The following SRPK2 variants were observed in gnomAD, a reference collection of about 807,000 sequenced individuals.
The protein encoded by SRPK2 is SFRS protein kinase 2.
SRPK2 carries 21 observed loss-of-function variants against 90.8 expected under a neutral mutation model. The observed-to-expected ratio is 0.23, with a 90% CI of 0.16 to 0.33. The LOEUF is 0.33. Among genes scored for constraint, SRPK2 ranks in the 10% least tolerant of loss-of-function variants. SRPK2 has a pLI of 1.00. For missense variants in SRPK2, 620 were observed against 869.0 expected, an observed-to-expected ratio of 0.71 and a Z score of 3.60; for synonymous variants, 288 against 311.1, an observed-to-expected ratio of 0.93 and a Z score of 0.78.
chr7:105,259,922 C>T (rs1246195834), intron 2 of SRPK2, among the ~76,000 whole-genome samples: 1 of 152,158 alleles, frequency 6.6e-6, no homozygotes, highest in Non-Finnish European at 1.5e-5. Flanking sequence ...GGACCTAACA[C>T]CATAAAAACC....
intron 4 of SRPK2, among the ~76,000 whole-genome samples, chr7:105,168,861 A>G (rs929234842): frequency 6.6e-6 from 1 of 151,710 alleles, no homozygotes; most frequent in African/African-American, 2.4e-5. Context: ...CGCCTATACT[A>G]TACATTATGT....
chr7:105,280,017 A>C (rs1196089971), intron 2 of SRPK2, among the ~76,000 whole-genome samples: 1 of 152,250 alleles, frequency 6.6e-6, no homozygotes, highest in Non-Finnish European at 1.5e-5. Flanking sequence ...ATAGAGTAAT[A>C]TTCAGAAAAA....
intron 15 of SRPK2, among the ~76,000 whole-genome samples, chr7:105,123,909 T>C (rs1201741926): frequency 1.3e-5 from 2 of 152,198 alleles, no homozygotes; most frequent in Non-Finnish European, 2.9e-5. Context: ...AGTGAAAATA[T>C]TTTTGGTCTC....
intron 8 of SRPK2, 132 bp downstream of exon 8, chr7:105,146,361 G>T: frequency 1.2e-6 from 1 of 807,274 alleles, no homozygotes; most frequent in Non-Finnish European, 1.9e-6. Flanking sequence ...CAAGGGTGCA[G>T]TTATTTCCAG....
chr7:105,336,088 T>C (rs1202341643), intron 2 of SRPK2, among the ~76,000 whole-genome samples: 2 of 152,222 alleles, frequency 1.3e-5, no homozygotes, highest in Non-Finnish European at 2.9e-5. Flanking sequence ...TTATTTACAA[T>C]TTATAGTATT....
chr7:105,116,523 G>T lies in SRPK2; in HGVS notation c.*1315C>A, dbSNP rs962020170. On this transcript the variant is annotated 3_prime_UTR_variant, in exon 16 of 16. Coordinates refer to ENST00000393651, the MANE Select transcript of SRPK2 (RefSeq NM_182692.3). ...AATGTTAATGGACAAAGTCAAAAACGAGGCACCTTAATGAATGTAAAATTT... is the reference window on the plus strand; with the variant it reads ...AATGTTAATGGACAAAGTCAAAAACTAGGCACCTTAATGAATGTAAAATTT... 1 of 152,538 alleles carries T rather than the reference G, an allele frequency of 6.6e-6. No homozygotes were observed. The highest frequency in any genetic ancestry group is 6.6e-5 in the Admixed American group (1 of 15,264). 9.4% of individuals were successfully genotyped at this position (152,538 alleles called of 1,614,324 possible).
intron 2 of SRPK2, among the ~76,000 whole-genome samples, chr7:105,216,463 C>T (rs577795640): frequency 6.6e-6 from 1 of 151,986 alleles, no homozygotes; most frequent in Non-Finnish European, 1.5e-5. Flanking sequence ...ACCAGTCTGG[C>T]CAATATGGTG....
chr7:105,340,432 GCT>G (rs1815629545), intron 2 of SRPK2, among the ~76,000 whole-genome samples: 1 of 116,790 alleles, frequency 8.6e-6, no homozygotes, highest in Admixed American at 1.0e-4. Flanking sequence ...GACAGGTCTT[GCT>G]CTGTCACCCA....
intron 2 of SRPK2, among the ~76,000 whole-genome samples, chr7:105,262,901 G>A (rs1016919238): frequency 9.9e-5 from 15 of 152,222 alleles, no homozygotes; most frequent in African/African-American, 3.6e-4. Flanking sequence ...AGCATACACA[G>A]TTGGTGGAAG....
At chr7:105,282,027 T>C (rs1020233221) in intron 2 of SRPK2, among the ~76,000 whole-genome samples, 8 of 151,768 alleles carry the variant, frequency 5.3e-5, no homozygotes, top group African/African-American at 1.9e-4. Context: ...AAAGAAAAAG[T>C]TGGAGGACTC....
chr7:105,257,841 G>A (rs1803546497), intron 2 of SRPK2, among the ~76,000 whole-genome samples: 1 of 152,182 alleles, frequency 6.6e-6, no homozygotes. Context: ...GCCGGGTGCA[G>A]TGGCTCACAC....
intron 3 of SRPK2, among the ~76,000 whole-genome samples, chr7:105,175,764 G>C (rs890592185): frequency 6.6e-6 from 1 of 151,642 alleles, no homozygotes; most frequent in African/African-American, 2.4e-5. Flanking sequence ...TGAAAACTTA[G>C]ATAAAATGGA....
intron 2 of SRPK2, among the ~76,000 whole-genome samples, chr7:105,379,883 C>T (rs528766950): frequency 6.6e-6 from 1 of 152,102 alleles, no homozygotes; most frequent in Admixed American, 6.5e-5. Flanking sequence ...GAGGCTGAGG[C>T]AGGAGAATGG....
chr7:105,237,896 G>A (rs1182662542), intron 2 of SRPK2, among the ~76,000 whole-genome samples: 2 of 152,120 alleles, frequency 1.3e-5, no homozygotes, highest in Non-Finnish European at 2.9e-5. Context: ...ACATTTAAAT[G>A]TTTATAAACA....
rs531711085 is a variant in SRPK2 at position 105,384,274 on chromosome 7, G to A, written c.71+4374C>T. On this transcript the variant is annotated intron_variant, in intron 2 of 15. Transcript: ENST00000393651. ...AACAGCACTACAGTCCTTCCGTTCT[G>A]CCTGTTACTCACAAAGCAGCACAAT... is the stretch of plus-strand genomic sequence containing the variant. Among the ~76,000 whole-genome samples, 7 of 152,290 alleles carry A rather than the reference G, an allele frequency of 4.6e-5. 1 individual carries two copies. The South Asian group carries it at 1.5e-3, about 32-fold the overall frequency.
Position 105,265,615 on chromosome 7 carries a change from G to A in SRPK2, c.72-61830C>T, listed in dbSNP as rs1404141498. Among the ~76,000 whole-genome samples the A allele has an allele frequency of 4.5e-4, 69 of 152,086 alleles. 1 individual carries two copies. Among genetic ancestry groups the A allele is most frequent in the Admixed American group, 4.5e-3 (68 of 15,268 alleles). On this transcript the variant is annotated intron_variant, in intron 2 of 15. Coordinates refer to ENST00000393651, the MANE Select transcript of SRPK2 (RefSeq NM_182692.3). ...GGGCAAAATGAAGAAACGAGAACTT[G>A]AAAACCTAGTTTTTTTAATCAGATA...
rs553394635 is a variant in SRPK2, at chr7:105,165,318, T to A, written c.514+2059A>T. On this transcript the variant is annotated intron_variant, in intron 6 of 15. Coordinates refer to ENST00000393651, the MANE Select transcript of SRPK2 (RefSeq NM_182692.3). ...GATATTCTCAAAAAAGAAAGGAAAG[T>A]CAAGGGACACCTTTGCTTGTCTTCT... 2.0e-5 allele frequency among the ~76,000 whole-genome samples: 3 copies of A among 152,294 alleles called. No individual in the cohort carries two copies. The South Asian group carries it at 6.2e-4, about 32-fold the overall frequency.
intron 2 of SRPK2, among the ~76,000 whole-genome samples, chr7:105,308,686 T>C (rs1202018150): frequency 6.6e-6 from 1 of 152,236 alleles, no homozygotes; most frequent in Non-Finnish European, 1.5e-5. Context: ...CTTATTCAAC[T>C]AAAGATTCTT....
chr7:105,297,603 G>T, intron 2 of SRPK2: 7 of 519,114 alleles, frequency 1.3e-5, no homozygotes, highest in Non-Finnish European at 1.7e-5. Context: ...TTACCTAAAA[G>T]GTCTTCCGAG....
Sources: gnomAD v4.1 joint callset for allele counts (sites outside exome capture counted in the v4.1 genomes callset) on GRCh38, gnomAD v4.1.1 for gene constraint, MANE v1.5 for transcripts, NCBI Gene and HGNC (gene_info 2026-07-23, HGNC 2026-07-21) for gene names.